OTUD7B: variants seen among roughly 807,000 people sequenced by gnomAD.
OTUD7B encodes OTU deubiquitinase 7B.
A neutral mutation model predicts 82.2 loss-of-function variants in OTUD7B; 34 were observed. That is an observed-to-expected ratio of 0.41 (90% CI 0.31 to 0.55). The LOEUF (loss-of-function observed/expected upper bound fraction) is 0.55, where lower values mean the gene tolerates loss of function less well. Ranked by LOEUF, OTUD7B falls within the 20% of genes least tolerant of loss-of-function variation. The probability of loss-of-function intolerance (pLI) is 0.20; values close to 1 mark genes in which losing one functional copy is unlikely to be tolerated. For synonymous variants in OTUD7B, 398 were observed against 402.7 expected, an observed-to-expected ratio of 0.99 and a Z score of 0.14; for missense variants, 944 against 1,062.1, an observed-to-expected ratio of 0.89 and a Z score of 1.55.
chr1:150,029,090 C>T, the OTUD7B span, among the ~76,000 whole-genome samples: 3 of 151,944 alleles, frequency 2.0e-5, no homozygotes, highest in Non-Finnish European at 2.9e-5. Flanking sequence ...TCTCTAGTAT[C>T]GGCTATATTC....
rs977728648 is a variant in OTUD7B, at chr1:149,950,140, G to A, written c.927C>T (p.Pro309=). 2.5e-6 allele frequency: 4 copies of A among 1,614,002 alleles called. No individual in the cohort carries two copies. In the African/African-American group the frequency reaches 5.3e-5, roughly 22 times the overall value. Residue 309 remains proline, a synonymous_variant, in exon 8 of 12, where the codon CCC becomes CCT. Coordinates refer to ENST00000581312, the MANE Select transcript of OTUD7B (RefSeq NM_020205.4). ...VFVLAHVLRR[P]IVVVADTMLR... ...GCATGGTGTCTGCCACGACGACTAT[G>A]GGCCTCCTAAGCACATGAGCAAGGA... is the stretch of plus-strand genomic sequence containing the variant.
At chr1:149,960,967 C>T (rs1649116089) in intron 6 of OTUD7B, 1 of 132,864 alleles carries the variant, frequency 7.5e-6, no homozygotes, top group African/African-American at 2.8e-5. Flanking sequence ...CACTCTGTCG[C>T]CCAGGCTGGA....
chr1:150,033,640 C>G, the OTUD7B span, among the ~76,000 whole-genome samples: 1 of 152,034 alleles, frequency 6.6e-6, no homozygotes, highest in African/African-American at 2.4e-5. Context: ...GTTTAAGCAC[C>G]GTAGCAAGCA....
chr1:150,060,073 A>G, the OTUD7B span, among the ~76,000 whole-genome samples: 1 of 152,234 alleles, frequency 6.6e-6, no homozygotes. Context: ...TTCCTATTTA[A>G]TATTGGCATA....
chr1:149,954,753 T>A (rs1478273292), intron 7 of OTUD7B, among the ~76,000 whole-genome samples: 1 of 152,248 alleles, frequency 6.6e-6, no homozygotes, highest in East Asian at 1.9e-4. Flanking sequence ...GTTCAAATTC[T>A]TCCTGGTTTG....
chr1:150,002,783 T>C (rs760652010), intron 1 of OTUD7B, among the ~76,000 whole-genome samples: 4 of 152,146 alleles, frequency 2.6e-5, no homozygotes, highest in African/African-American at 4.8e-5. Context: ...GCCCCGCCAG[T>C]TGTCTGATTC....
At position 149,945,110 on chromosome 1, in the gene OTUD7B, G is replaced by C. The variant is rs376700781; in HGVS notation, c.1324-45C>G. ...TGTTGACAGTTATCCCAGCAGCCTGGGGTGGGGGAATCCCCCAGGGACCTC... is the reference window on the plus strand; with the variant it reads ...TGTTGACAGTTATCCCAGCAGCCTGCGGTGGGGGAATCCCCCAGGGACCTC... On this transcript the variant is annotated intron_variant, in intron 11 of 11. Transcript: ENST00000581312. 6.7e-5 allele frequency: 106 copies of C among 1,577,164 alleles called. No homozygotes were observed. The African/African-American group carries it at 1.4e-3, about 20-fold the overall frequency.
rs371927155 is a variant in OTUD7B at position 149,944,357 on chromosome 1, C to T, written c.2032G>A (p.Gly678Ser). 173 of 1,613,388 alleles carry T rather than the reference C, an allele frequency of 1.1e-4. No individual in the cohort carries two copies. The African/African-American group carries it at 1.5e-3, about 14-fold the overall frequency. The change falls in exon 12 of 12, where the codon GGT (glycine) becomes AGT (serine). Residue 678 changes from glycine to serine, a missense_variant. Around this residue, in one of 3 missense-constraint regions of OTUD7B, gnomAD observed 412 missense variants for 418.7 expected, o/e 0.98. Coordinates refer to ENST00000581312, the MANE Select transcript of OTUD7B (RefSeq NM_020205.4). Reference sequence around the variant, plus strand: ...ATTGCCCTGGACTCTGCTGGGGGACCGGTCGGCTGCTCTTCCCTAGCATCT... The same window carrying T: ...ATTGCCCTGGACTCTGCTGGGGGACTGGTCGGCTGCTCTTCCCTAGCATCT... ...EPDAREEQPTGPPAESRAMAF... is the reference protein window; with the variant it reads ...EPDAREEQPTSPPAESRAMAF...
the OTUD7B span, among the ~76,000 whole-genome samples, chr1:150,056,335 A>G: frequency 6.6e-6 from 1 of 152,228 alleles, no homozygotes; most frequent in African/African-American, 2.4e-5. Flanking sequence ...TCTCCTTAAC[A>G]TTATAAGTTA....
the OTUD7B span, among the ~76,000 whole-genome samples, chr1:150,062,777 C>A: frequency 2.8e-5 from 4 of 142,402 alleles, 1 homozygote; most frequent in African/African-American, 1.1e-4. Flanking sequence ...CAATGGCGCG[C>A]GATCTCGGCT....
chr1:149,991,456 T>C (rs1651564383), intron 1 of OTUD7B, among the ~76,000 whole-genome samples: 2 of 152,236 alleles, frequency 1.3e-5, no homozygotes, highest in South Asian at 4.1e-4. Context: ...ACATAGAATA[T>C]ATACTTCATT....
chr1:150,050,074 G>T, the OTUD7B span, among the ~76,000 whole-genome samples: 3 of 151,840 alleles, frequency 2.0e-5, no homozygotes, highest in Non-Finnish European at 4.4e-5. Flanking sequence ...AATTCTCCAG[G>T]CATGGTGTTA....
At chr1:150,048,409 A>T in the OTUD7B span, 1 of 152,164 alleles carries the variant, frequency 6.6e-6, no homozygotes, top group African/African-American at 2.4e-5. Context: ...CAGAGACATA[A>T]TATTATTAGA....
the OTUD7B span, among the ~76,000 whole-genome samples, chr1:150,040,311 T>C: frequency 6.6e-6 from 1 of 152,326 alleles, no homozygotes; most frequent in Non-Finnish European, 1.5e-5. Flanking sequence ...ATTCAGTTCA[T>C]TCAATTCAAC....
At chr1:150,052,546 T>C in the OTUD7B span, among the ~76,000 whole-genome samples, 2 of 152,192 alleles carry the variant, frequency 1.3e-5, no homozygotes, top group Non-Finnish European at 2.9e-5. Flanking sequence ...AAACATCCCA[T>C]GCTCATGGAT....
rs1647233943 is a variant in OTUD7B at position 149,941,200 on chromosome 1, T to C, written c.*2657A>G. On this transcript the variant is annotated 3_prime_UTR_variant, in exon 12 of 12. Coordinates refer to ENST00000581312, the MANE Select transcript of OTUD7B (RefSeq NM_020205.4). ...ACAAGGTTTTTTGTTCATTTGTCCT[T>C]AGTTTTTAAAAACAAAAGTGTTAAC... 6.6e-6 allele frequency: 1 copy of C among 152,200 alleles called. No homozygotes were observed. Among genetic ancestry groups the C allele is most frequent in the African/African-American group, 2.4e-5 (1 of 41,458 alleles). The allele number at this position is 152,200 out of a possible 1,614,324, so 9.4% of individuals were successfully genotyped here.
the OTUD7B span, among the ~76,000 whole-genome samples, chr1:150,050,135 A>C: frequency 6.6e-6 from 1 of 152,068 alleles, no homozygotes; most frequent in Admixed American, 6.6e-5. Flanking sequence ...TCAAGGCTGC[A>C]GTGAGCCATG....
the OTUD7B span, among the ~76,000 whole-genome samples, chr1:150,027,111 T>C: frequency 1.3e-5 from 2 of 152,132 alleles, no homozygotes; most frequent in Admixed American, 1.3e-4. Context: ...CTGTGTTGTG[T>C]TCTGTTGTGT....
chr1:150,041,398 T>C, the OTUD7B span, among the ~76,000 whole-genome samples: 4 of 152,170 alleles, frequency 2.6e-5, no homozygotes, highest in African/African-American at 9.7e-5. Flanking sequence ...AGTGGTGCCA[T>C]CTCAGCTCAC....
Sources: allele counts gnomAD v4.1 joint callset (sites outside exome capture counted in the v4.1 genomes callset), GRCh38; gene constraint gnomAD v4.1.1; regional missense constraint gnomAD v4.1.1; transcripts MANE v1.5; gene names NCBI Gene and HGNC (gene_info 2026-07-23, HGNC 2026-07-21).